Variants in DIS3L2 observed in about 807,000 individuals in gnomAD.
DIS3L2 encodes DIS3-like exonuclease 2.
In DIS3L2, 34 loss-of-function variants were observed where a neutral mutation model predicts 97.5. The ratio of observed to expected loss-of-function variants is 0.35; its 90% confidence interval spans 0.27 to 0.46. The LOEUF is 0.46. Ranked by LOEUF, DIS3L2 falls within the 20% of genes least tolerant of loss-of-function variation. The pLI is 1.00. For missense variants in DIS3L2, 1,038 were observed against 1,146.0 expected, an observed-to-expected ratio of 0.91 and a Z score of 1.36; for synonymous variants, 435 against 445.2, an observed-to-expected ratio of 0.98 and a Z score of 0.29.
chr2:232,253,785 A>T (rs1433747468), intron 12 of DIS3L2, among the ~76,000 whole-genome samples: 1 of 152,184 alleles, frequency 6.6e-6, no homozygotes, highest in African/African-American at 2.4e-5. Context: ...GAAAGTTAAT[A>T]TCCAAATACT....
At chr2:232,136,995 G>A (rs1409069916) in intron 8 of DIS3L2, among the ~76,000 whole-genome samples, 1 of 152,064 alleles carries the variant, frequency 6.6e-6, no homozygotes, top group Non-Finnish European at 1.5e-5. Context: ...TATGTCATGT[G>A]TCCTATTTGT....
intron 11 of DIS3L2, among the ~76,000 whole-genome samples, chr2:232,245,096 A>C (rs1300213147): frequency 6.6e-6 from 1 of 152,216 alleles, no homozygotes; most frequent in Non-Finnish European, 1.5e-5. Flanking sequence ...AAGACTGGGG[A>C]AAAGGATCAA....
intron 13 of DIS3L2, among the ~76,000 whole-genome samples, chr2:232,297,941 C>A (rs1694761665): frequency 6.6e-6 from 1 of 152,168 alleles, no homozygotes; most frequent in African/African-American, 2.4e-5. Flanking sequence ...AGGCAATCCA[C>A]CCGCCTCGGC....
chr2:232,163,752 G>A, intron 9 of DIS3L2, 120 bp downstream of exon 9: 1 of 1,200,300 alleles, frequency 8.3e-7, no homozygotes. Flanking sequence ...GTTGGGAATA[G>A]GTGCTTCTGT....
At chr2:231,997,410 C>T (rs1400282556) in intron 1 of DIS3L2, among the ~76,000 whole-genome samples, 2 of 152,198 alleles carry the variant, frequency 1.3e-5, no homozygotes, top group Non-Finnish European at 2.9e-5. Flanking sequence ...TGACATAACT[C>T]TCATTTGAGA....
At chr2:231,992,091 T>TCG (rs1308170197) in intron 1 of DIS3L2, among the ~76,000 whole-genome samples, 1 of 152,198 alleles carries the variant, frequency 6.6e-6, no homozygotes, top group African/African-American at 2.4e-5. Context: ...GTGAGACTGT[T>TCG]CATTTCCCAC....
intron 8 of DIS3L2, among the ~76,000 whole-genome samples, chr2:232,160,439 A>C (rs1340514592): frequency 6.6e-6 from 1 of 152,170 alleles, no homozygotes; most frequent in Non-Finnish European, 1.5e-5. Context: ...AAAGTCATTC[A>C]TTATTCCCTT....
intron 13 of DIS3L2, among the ~76,000 whole-genome samples, chr2:232,275,601 C>T (rs1017948471): frequency 6.6e-6 from 1 of 152,096 alleles, no homozygotes; most frequent in African/African-American, 2.4e-5. Context: ...TTCTTGATTC[C>T]CTTGTTAAGT....
intron 9 of DIS3L2, among the ~76,000 whole-genome samples, chr2:232,177,131 A>C (rs1417570765): frequency 2.1e-5 from 3 of 146,074 alleles, no homozygotes; most frequent in Admixed American, 6.9e-5. Context: ...CAAAGGACAT[A>C]AACTCATCAT....
At chr2:232,289,712 T>A (rs1476209954) in intron 13 of DIS3L2, among the ~76,000 whole-genome samples, 1 of 152,230 alleles carries the variant, frequency 6.6e-6, no homozygotes, top group Non-Finnish European at 1.5e-5. Context: ...TCTATCCTAA[T>A]CTGATTCCAG....
rs547505173 is a variant in DIS3L2 at position 232,184,175 on chromosome 2, T to C, written c.1124+20543T>C. Among the ~76,000 whole-genome samples, 5 of 152,348 alleles carry C rather than the reference T, an allele frequency of 3.3e-5. No individual in the cohort carries two copies. The East Asian group carries it at 9.6e-4, about 29-fold the overall frequency. ...TTTTGACAGTTTTGTCCAGTGTTGT[T>C]GTTACTTATATGAAGTAGTAGCTTT... On this transcript the variant is annotated intron_variant, in intron 9 of 20. Transcript: ENST00000325385.
intron 5 of DIS3L2, among the ~76,000 whole-genome samples, chr2:232,080,629 GGT>G (rs1696359267): frequency 6.6e-6 from 1 of 151,936 alleles, no homozygotes; most frequent in Non-Finnish European, 1.5e-5. Context: ...GGCTGGGCAT[GGT>G]GGCTCAAACC....
chr2:232,077,955 C>CTTTCTT (rs1553605268), intron 5 of DIS3L2, among the ~76,000 whole-genome samples: 287 of 108,808 alleles, frequency 2.6e-3, no homozygotes, highest in South Asian at 0.011. Context: ...TTCTTTCTTT[C>CTTTCTT]TCTTTCTTTC....
chr2:232,202,008 G>A (rs946252107), intron 9 of DIS3L2, among the ~76,000 whole-genome samples: 1 of 152,060 alleles, frequency 6.6e-6, no homozygotes, highest in Admixed American at 6.6e-5. Flanking sequence ...ATATTTTCTG[G>A]GTTTAAACCA....
At chr2:231,999,077 C>T (rs1241941689) in intron 1 of DIS3L2, among the ~76,000 whole-genome samples, 1 of 152,216 alleles carries the variant, frequency 6.6e-6, no homozygotes, top group Non-Finnish European at 1.5e-5. Flanking sequence ...GTAGACCATA[C>T]AGTCCCTCTT....
At chr2:232,280,514 CA>C (rs780138085) in intron 13 of DIS3L2, among the ~76,000 whole-genome samples, 3 of 152,214 alleles carry the variant, frequency 2.0e-5, no homozygotes, top group Non-Finnish European at 4.4e-5. Flanking sequence ...CTCACCCAAT[CA>C]TGCTTTAATC....
chr2:232,000,712 CT>C (rs1693868987), intron 1 of DIS3L2, among the ~76,000 whole-genome samples: 1 of 115,474 alleles, frequency 8.7e-6, no homozygotes, highest in Non-Finnish European at 1.8e-5. Flanking sequence ...TTCCTTCTTT[CT>C]TTCTTCTTCT....
At chr2:232,159,873 T>C (rs1690600529) in intron 8 of DIS3L2, among the ~76,000 whole-genome samples, 1 of 152,188 alleles carries the variant, frequency 6.6e-6, no homozygotes, top group Non-Finnish European at 1.5e-5. Context: ...ACTGAGATGA[T>C]TATATGTGTT....
At chr2:232,230,918 C>A (rs1364224295) in intron 10 of DIS3L2, among the ~76,000 whole-genome samples, 3 of 152,138 alleles carry the variant, frequency 2.0e-5, no homozygotes, top group Admixed American at 6.5e-5. Context: ...GCGCCCACCC[C>A]CCATCCTTCG....
Sources: gnomAD v4.1 joint callset for allele counts (sites outside exome capture counted in the v4.1 genomes callset) on GRCh38, gnomAD v4.1.1 for gene constraint, MANE v1.5 for transcripts, NCBI Gene and HGNC (gene_info 2026-07-23, HGNC 2026-07-21) for gene names.